HS1BP3: variants seen among roughly 807,000 people sequenced by gnomAD.
HS1BP3 encodes HCLS1 binding protein 3.
HS1BP3 carries 32 observed loss-of-function variants against 33.5 expected under a neutral mutation model. The observed-to-expected ratio is 0.95, with a 90% CI of 0.72 to 1.28. The LOEUF is 1.28. Among genes scored for constraint, HS1BP3 ranks in the 50% most tolerant of loss-of-function variants. HS1BP3 has a pLI of 0.00. For missense variants in HS1BP3, 486 were observed against 502.3 expected (o/e 0.97, Z 0.31); for synonymous variants, 187 against 209.2 (o/e 0.89, Z 0.92).
chr2:20,616,579 C>T (rs971685255), downstream of HS1BP3, among the ~76,000 whole-genome samples: 9 of 152,304 alleles, frequency 5.9e-5, no homozygotes, highest in South Asian at 1.7e-3. Flanking sequence ...CTACATGGGT[C>T]TTGGCTGTGC....
chr2:20,602,961 T>C (rs1182770360), intron 2 of HS1BP3, among the ~76,000 whole-genome samples: 2 of 152,160 alleles, frequency 1.3e-5, no homozygotes, highest in Non-Finnish European at 2.9e-5. Context: ...AAATGGCTAA[T>C]AACAAGCACC....
intron 3 of HS1BP3, 28 bp from the exon 4 acceptor site, chr2:20,638,680 C>G (rs1212858257): frequency 1.9e-6 from 3 of 1,577,854 alleles, no homozygotes; most frequent in Non-Finnish European, 1.7e-6. Flanking sequence ...AAAGAATGGA[C>G]TTGGTAACCA....
rs866360412 is a variant in HS1BP3, at chr2:20,618,894, G to A, written c.*93C>T. On this transcript the variant is annotated 3_prime_UTR_variant, in exon 7 of 7. Coordinates refer to ENST00000304031, the MANE Select transcript of HS1BP3 (RefSeq NM_022460.4). The stretch of plus-strand genomic sequence containing the variant: ...CTTCTGCCTGGCCTCCCCTGGGGGT[G>A]GGGAGGTTCTGACCCTGCAGGGCCC... 6.8e-7 allele frequency: 1 copy of A among 1,479,880 alleles called. No homozygotes were observed. The highest frequency in any genetic ancestry group is 8.9e-7 in the Non-Finnish European group (1 of 1,117,680). The allele number at this position is 1,479,880 out of a possible 1,614,324, so 91.7% of individuals were successfully genotyped here. A position where few individuals can be genotyped will look rare whatever the true frequency, so the allele number is the denominator to read the frequency against.
At chr2:20,645,288 C>T in intron 2 of HS1BP3, 52 bp downstream of exon 2, 11 of 1,573,180 alleles carry the variant, frequency 7.0e-6, no homozygotes, top group South Asian at 2.3e-5. Context: ...TGTGTCTGCC[C>T]GCCCGGACCC....
At chr2:20,597,418 G>A (rs1192791937) in intron 3 of HS1BP3, among the ~76,000 whole-genome samples, 3 of 152,188 alleles carry the variant, frequency 2.0e-5, no homozygotes, top group African/African-American at 4.8e-5. Context: ...GGCCTTCCTG[G>A]TTCTACCACC....
chr2:20,559,398 G>A (rs1692918934), downstream of HS1BP3, among the ~76,000 whole-genome samples: 1 of 152,246 alleles, frequency 6.6e-6, no homozygotes, highest in Admixed American at 6.5e-5. Context: ...CCCAGTGCTT[G>A]TAGAAGAACG....
chr2:20,627,926 G>T (rs1406115359), intron 4 of HS1BP3, among the ~76,000 whole-genome samples: 1 of 152,156 alleles, frequency 6.6e-6, no homozygotes, highest in African/African-American at 2.4e-5. Flanking sequence ...AGGGGAGGAG[G>T]GATGGACAGG....
chr2:20,569,837 C>T (rs1178354544), intron 5 of HS1BP3, among the ~76,000 whole-genome samples: 1 of 152,234 alleles, frequency 6.6e-6, no homozygotes, highest in East Asian at 1.9e-4. Flanking sequence ...GAACCTTGCC[C>T]TGCTTCCCAT....
intron 1 of HS1BP3, among the ~76,000 whole-genome samples, 175 bp from the exon 2 acceptor site, chr2:20,645,680 C>T (rs562221252): frequency 2.6e-5 from 4 of 152,350 alleles, no homozygotes; most frequent in African/African-American, 9.6e-5. Context: ...CCCTCATAAG[C>T]CTGGCTTCCC....
rs986933096 is a variant in HS1BP3, at chr2:20,638,125, C to T, written c.623+311G>A. On this transcript the variant is annotated intron_variant, in intron 4 of 6. Transcript: ENST00000304031. Reference sequence around the variant, plus strand: ...AGTCCTCCCACACTAGCCGGACAGGCCCGCAGCCTGCACTACTGAGCTGTC... The same window carrying T: ...AGTCCTCCCACACTAGCCGGACAGGTCCGCAGCCTGCACTACTGAGCTGTC... The T allele has an allele frequency of 5.8e-4, 311 of 532,490 alleles. 2 individuals carry two copies. In the East Asian group the frequency reaches 9.5e-3, roughly 16 times the overall value. The allele number at this position is 532,490 out of a possible 1,614,324, so 33.0% of individuals were successfully genotyped here.
intron 4 of HS1BP3, chr2:20,638,215 G>C: frequency 1.7e-6 from 1 of 596,142 alleles, no homozygotes; most frequent in Non-Finnish European, 3.0e-6. Context: ...ACCCGAGAAG[G>C]GAGGCGACAC....
downstream of HS1BP3, among the ~76,000 whole-genome samples, chr2:20,612,966 T>C (rs893137781): frequency 6.6e-6 from 1 of 152,104 alleles, no homozygotes; most frequent in African/African-American, 2.4e-5. Flanking sequence ...CCGATGCAAA[T>C]CCTAGGGCCA....
intron 2 of HS1BP3, chr2:20,606,489 C>T (rs1694179959): frequency 2.1e-6 from 1 of 477,568 alleles, no homozygotes; most frequent in Non-Finnish European, 4.2e-6. Flanking sequence ...CAGGGTTTGT[C>T]TTAGGTAGTT....
chr2:20,574,231 C>T (rs917362008), intron 5 of HS1BP3, among the ~76,000 whole-genome samples: 1 of 152,158 alleles, frequency 6.6e-6, no homozygotes, highest in Admixed American at 6.5e-5. Context: ...TCGTGAGACT[C>T]AAAACAAGCC....
At chr2:20,631,127 G>A (rs1694954144) in intron 4 of HS1BP3, among the ~76,000 whole-genome samples, 1 of 152,158 alleles carries the variant, frequency 6.6e-6, no homozygotes, top group Middle Eastern at 3.2e-3. Flanking sequence ...GCGCAGGGCC[G>A]TGGCAGAGGT....
intron 4 of HS1BP3, among the ~76,000 whole-genome samples, chr2:20,632,694 C>T (rs1475624201): frequency 6.6e-6 from 1 of 152,202 alleles, no homozygotes; most frequent in African/African-American, 2.4e-5. Context: ...TGTGACCTCC[C>T]AGATTTCTAT....
rs571688690 is a variant in HS1BP3 at position 20,622,092 on chromosome 2, T to C, written c.920+1804A>G. On this transcript the variant is annotated intron_variant, in intron 6 of 6. Coordinates refer to ENST00000304031, the MANE Select transcript of HS1BP3 (RefSeq NM_022460.4). ...ACAGCCAGAAGGAACAAAGCCTTCTTAGCCTCGACCCGCTCAGTGTACACC... is the reference window on the plus strand; with the variant it reads ...ACAGCCAGAAGGAACAAAGCCTTCTCAGCCTCGACCCGCTCAGTGTACACC... 2.9e-5 allele frequency: 25 copies of C among 867,992 alleles called. No individual in the cohort carries two copies. In the African/African-American group the frequency reaches 5.0e-4, roughly 18 times the overall value. 53.8% of individuals were successfully genotyped at this position (867,992 alleles called of 1,614,324 possible).
chr2:20,565,619 C>T (rs544891736), intron 5 of HS1BP3, among the ~76,000 whole-genome samples: 20 of 152,340 alleles, frequency 1.3e-4, no homozygotes, highest in South Asian at 2.1e-4. Context: ...AACCCCACCC[C>T]GTGGGACAGT....
intron 5 of HS1BP3, among the ~76,000 whole-genome samples, chr2:20,566,235 C>T (rs1432714220): frequency 6.6e-5 from 10 of 152,208 alleles, no homozygotes; most frequent in Non-Finnish European, 1.0e-4. Context: ...AAGATGTTTC[C>T]CCTATAACTG....
Sources: allele counts gnomAD v4.1 joint callset (sites outside exome capture counted in the v4.1 genomes callset), GRCh38; gene constraint gnomAD v4.1.1; transcripts MANE v1.5; gene names NCBI Gene and HGNC (gene_info 2026-07-23, HGNC 2026-07-21).